TAFA1: variants seen among roughly 807,000 people sequenced by gnomAD.
TAFA1 encodes the protein TAFA chemokine like family member 1.
Under a neutral mutation model 18.5 loss-of-function variants are expected in TAFA1, and 4 were observed. The observed-to-expected ratio is 0.22, with a 90% CI of 0.11 to 0.49. TAFA1 has a LOEUF of 0.49. Among genes scored for constraint, TAFA1 ranks in the 20% least tolerant of loss-of-function variants. The pLI, the probability that TAFA1 is intolerant of heterozygous loss-of-function variation, is 0.98. For missense variants in TAFA1, 147 were observed against 169.0 expected, an observed-to-expected ratio of 0.87 and a Z score of 0.72; for synonymous variants, 56 against 55.2, an observed-to-expected ratio of 1.01 and a Z score of -0.06.
chr3:68,309,279 A>G (rs2068475473), intron 2 of TAFA1, among the ~76,000 whole-genome samples: 1 of 152,234 alleles, frequency 6.6e-6, no homozygotes, highest in Admixed American at 6.5e-5. Context: ...ATTATAAAAT[A>G]CAAAAGTGAA....
upstream of TAFA1, among the ~76,000 whole-genome samples, chr3:68,001,430 T>TA (rs1197217480): frequency 1.3e-5 from 2 of 152,206 alleles, no homozygotes; most frequent in Non-Finnish European, 2.9e-5. Context: ...AATTCTGCCT[T>TA]ACGGATCCAG....
At chr3:68,133,131 C>T (rs2065563206) in intron 2 of TAFA1, among the ~76,000 whole-genome samples, 1 of 152,112 alleles carries the variant, frequency 6.6e-6, no homozygotes, top group Non-Finnish European at 1.5e-5. Context: ...GGGAATCCTT[C>T]CTCCTTGCTT....
At chr3:68,492,220 C>A (rs549926281) in intron 3 of TAFA1, among the ~76,000 whole-genome samples, 1 of 152,282 alleles carries the variant, frequency 6.6e-6, no homozygotes, top group Non-Finnish European at 1.5e-5. Context: ...ATTAAAAACG[C>A]TGTAGAAACT....
chr3:68,258,407 C>A (rs1354947444), intron 2 of TAFA1, among the ~76,000 whole-genome samples: 1 of 152,120 alleles, frequency 6.6e-6, no homozygotes, highest in Admixed American at 6.5e-5. Context: ...TTGAGCATGG[C>A]ATGTTGTTGA....
At chr3:68,061,760 A>G (rs1175527037) in intron 2 of TAFA1, among the ~76,000 whole-genome samples, 1 of 152,218 alleles carries the variant, frequency 6.6e-6, no homozygotes, top group African/African-American at 2.4e-5. Context: ...TTAAAGGTAC[A>G]TTATGAACAC....
chr3:68,538,903 T>C, intron 4 of TAFA1, 23 bp downstream of exon 4: 2 of 1,612,258 alleles, frequency 1.2e-6, no homozygotes, highest in Non-Finnish European at 1.7e-6. Context: ...ATTTCAAATG[T>C]ATTTTGGATG....
intron 3 of TAFA1, among the ~76,000 whole-genome samples, chr3:68,526,923 A>G (rs560147755): frequency 6.5e-4 from 99 of 152,282 alleles, no homozygotes; most frequent in Middle Eastern, 6.8e-3. Context: ...TTGTTCTTCA[A>G]CAAAATTGCA....
intron 3 of TAFA1, among the ~76,000 whole-genome samples, chr3:68,534,559 G>A (rs903661844): frequency 2.0e-5 from 3 of 152,040 alleles, no homozygotes; most frequent in African/African-American, 2.4e-5. Flanking sequence ...TAAGCCAAAG[G>A]GTAAAGCAAA....
chr3:68,060,204 T>TTTGTG (rs1559721258), intron 2 of TAFA1, among the ~76,000 whole-genome samples: 128 of 150,128 alleles, frequency 8.5e-4, no homozygotes, highest in East Asian at 5.9e-3. Context: ...GTGTGTGTGT[T>TTTGTG]TGTGTGTGTG....
At chr3:68,411,041 T>TG (rs1211296224) in intron 2 of TAFA1, among the ~76,000 whole-genome samples, 1 of 152,332 alleles carries the variant, frequency 6.6e-6, no homozygotes, top group African/African-American at 2.4e-5. Context: ...GGAGAAACTC[T>TG]GGGGGAACAT....
chr3:68,197,856 T>A (rs1241277931), intron 2 of TAFA1, among the ~76,000 whole-genome samples: 1 of 151,734 alleles, frequency 6.6e-6, no homozygotes, highest in Non-Finnish European at 1.5e-5. Flanking sequence ...TAATTGTTCC[T>A]GTATATAGGT....
intron 3 of TAFA1, among the ~76,000 whole-genome samples, chr3:68,497,004 C>G (rs1328096247): frequency 1.3e-5 from 2 of 152,108 alleles, no homozygotes; most frequent in African/African-American, 4.8e-5. Context: ...TTTGAACTGC[C>G]TTCATGAAAA....
At position 68,418,413 on chromosome 3, in the gene TAFA1, C is replaced by T. The variant is rs536728689; in HGVS notation, c.259+993C>T. Among the ~76,000 whole-genome samples, 6 of 150,170 alleles carry T rather than the reference C, an allele frequency of 4.0e-5. 1 individual carries two copies. Among genetic ancestry groups the T allele is most frequent in the South Asian group, 2.1e-4 (1 of 4,768 alleles). On this transcript the variant is annotated intron_variant, in intron 3 of 4. Coordinates refer to ENST00000478136, the MANE Select transcript of TAFA1 (RefSeq NM_213609.4). Reference sequence around the variant, plus strand: ...GAAAAGGACTTTCACAAGGTAATGTCGTCACTTAAGGGAAGGACCGGCCAT... The same window carrying T: ...GAAAAGGACTTTCACAAGGTAATGTTGTCACTTAAGGGAAGGACCGGCCAT...
chr3:68,187,199 C>T (rs7621326), intron 2 of TAFA1, among the ~76,000 whole-genome samples: 2,183 of 152,014 alleles, frequency 0.014, 61 homozygotes, highest in African/African-American at 0.05. Flanking sequence ...TTTGACATCA[C>T]CTTCTGTTTA....
At chr3:68,039,060 T>G (rs1705111663) in intron 2 of TAFA1, among the ~76,000 whole-genome samples, 1 of 152,198 alleles carries the variant, frequency 6.6e-6, no homozygotes, top group Non-Finnish European at 1.5e-5. Context: ...GCTGTGTCTC[T>G]CTTGTCCTCT....
intron 2 of TAFA1, among the ~76,000 whole-genome samples, chr3:68,089,477 A>G (rs1348838741): frequency 6.6e-6 from 1 of 152,222 alleles, no homozygotes; most frequent in African/African-American, 2.4e-5. Context: ...GGTTTGGACC[A>G]TCTTGGGAAA....
chr3:68,124,370 C>T (rs1214736951), intron 2 of TAFA1, among the ~76,000 whole-genome samples: 3 of 152,260 alleles, frequency 2.0e-5, no homozygotes, highest in East Asian at 1.9e-4. Flanking sequence ...GATAACTTTA[C>T]GTGGTCTGCC....
intron 3 of TAFA1, among the ~76,000 whole-genome samples, chr3:68,465,070 T>C (rs1434152384): frequency 6.6e-6 from 1 of 152,156 alleles, no homozygotes; most frequent in Admixed American, 6.5e-5. Flanking sequence ...GTGATTGGCT[T>C]AGGCGTGGGC....
intron 2 of TAFA1, among the ~76,000 whole-genome samples, chr3:68,060,264 C>G (rs1400543316): frequency 6.6e-6 from 1 of 151,832 alleles, no homozygotes. Context: ...TGTCAACTTC[C>G]TAAATTGCCA....
Sources: gnomAD v4.1 joint callset for allele counts (sites outside exome capture counted in the v4.1 genomes callset) on GRCh38, gnomAD v4.1.1 for gene constraint, MANE v1.5 for transcripts, NCBI Gene and HGNC (gene_info 2026-07-23, HGNC 2026-07-21) for gene names.